Variants in PPP1R2 observed in about 807,000 individuals in gnomAD.
The protein encoded by PPP1R2 is protein phosphatase 1 regulatory inhibitor subunit 2.
In PPP1R2, 16 loss-of-function variants were observed where a neutral mutation model predicts 29.9. The ratio of observed to expected loss-of-function variants is 0.53; its 90% CI spans 0.36 to 0.81. The LOEUF (loss-of-function observed/expected upper bound fraction) is 0.81. Ranked by LOEUF, PPP1R2 falls within the 30% of genes least tolerant of loss-of-function variation. PPP1R2 has a pLI of 0.00. For missense variants in PPP1R2, 197 were observed against 252.7 expected (o/e 0.78, Z 1.49); for synonymous variants, 76 against 91.5 (o/e 0.83, Z 0.96).
At chr3:195,518,421 G>A (rs1718627383) in intron 5 of PPP1R2, among the ~76,000 whole-genome samples, 1 of 152,090 alleles carries the variant, frequency 6.6e-6, no homozygotes, top group African/African-American at 2.4e-5. Flanking sequence ...GGAGGCCGAG[G>A]CGGGCGGATC....
intron 2 of PPP1R2, among the ~76,000 whole-genome samples, chr3:195,528,111 C>T (rs114095394): frequency 0.017 from 2,589 of 152,126 alleles, 65 homozygotes; most frequent in African/African-American, 0.058. Context: ...GCAGTGTACA[C>T]GGCACCCAAT....
chr3:195,518,211 C>T (rs1206205321), intron 5 of PPP1R2, among the ~76,000 whole-genome samples: 2 of 151,822 alleles, frequency 1.3e-5, no homozygotes, highest in Non-Finnish European at 2.9e-5. Context: ...TGCTAGGCTG[C>T]AGGGGCTGGG....
intron 1 of PPP1R2, among the ~76,000 whole-genome samples, chr3:195,538,337 T>C (rs1719468967): frequency 6.6e-6 from 1 of 152,244 alleles, no homozygotes; most frequent in African/African-American, 2.4e-5. Context: ...GAAGCAAGAT[T>C]TTGCTTCAAG....
At chr3:195,523,838 T>C (rs1306406073) in intron 3 of PPP1R2, 52 bp from the exon 4 acceptor site, 2 of 1,440,246 alleles carry the variant, frequency 1.4e-6, no homozygotes, top group Non-Finnish European at 9.7e-7. Context: ...TGATATTATT[T>C]AAGCGCCTTA....
intron 1 of PPP1R2, among the ~76,000 whole-genome samples, chr3:195,533,556 A>C (rs1372719362): frequency 6.6e-6 from 1 of 152,194 alleles, no homozygotes; most frequent in Non-Finnish European, 1.5e-5. Context: ...CAAGAAGCAA[A>C]GTTGTGACAT....
At chr3:195,519,269 C>T in intron 4 of PPP1R2, 84 bp from the exon 5 acceptor site, 1 of 1,005,868 alleles carries the variant, frequency 9.9e-7, no homozygotes, top group Non-Finnish European at 1.5e-6. Flanking sequence ...TTTATTGAAA[C>T]AGTGATGCTC....
chr3:195,541,998 C>T (rs905362079), intron 1 of PPP1R2, among the ~76,000 whole-genome samples: 1 of 152,176 alleles, frequency 6.6e-6, no homozygotes, highest in Non-Finnish European at 1.5e-5. Flanking sequence ...TAGCTTCTGA[C>T]TACCAATTTC....
rs1386998373 is a variant in PPP1R2, at chr3:195,516,724, T to C, written c.*172A>G. ...TAGGCACAAGAATATATATATCGAT[T>C]AGGCATTTTCAGTCTAATCAGTCTC... On this transcript the variant is annotated 3_prime_UTR_variant, in exon 6 of 6. Coordinates refer to ENST00000618156, the MANE Select transcript of PPP1R2 (RefSeq NM_006241.8). The C allele has an allele frequency of 3.4e-6, 2 of 596,606 alleles. No individual in the cohort carries two copies. The highest frequency in any genetic ancestry group is 2.2e-5 in the South Asian group (1 of 46,222). 37.0% of individuals were successfully genotyped at this position (596,606 alleles called of 1,614,324 possible).
At chr3:195,532,590 T>C (rs1719227032) in intron 1 of PPP1R2, among the ~76,000 whole-genome samples, 1 of 152,156 alleles carries the variant, frequency 6.6e-6, no homozygotes, top group Non-Finnish European at 1.5e-5. Context: ...GGTTCAAGTT[T>C]CAGTTACCCT....
Position 195,519,053 on chromosome 3 carries a change from T to C in PPP1R2, c.536A>G (p.Asp179Gly), listed in dbSNP as rs1367900475. 1.2e-6 allele frequency: 2 copies of C among 1,602,782 alleles called. No homozygotes were observed. The highest frequency in any genetic ancestry group is 1.7e-6 in the Non-Finnish European group (2 of 1,170,968). ...TTCTTCCGTATTCATGCTTTCTCCA[T>C]CTGCAGTCTCTAACATTTCTTCATC... ...DEDEEMLETA[D>G]GESMNTEESN... The change falls in exon 5 of 6, where the codon GAT (aspartate) becomes GGT (glycine). Residue 179 changes from aspartate (D) to glycine (G), a missense_variant. Coordinates refer to ENST00000618156, the MANE Select transcript of PPP1R2 (RefSeq NM_006241.8).
intron 3 of PPP1R2, 91 bp downstream of exon 3, chr3:195,524,728 G>T: frequency 8.4e-7 from 1 of 1,195,888 alleles, no homozygotes; most frequent in Non-Finnish European, 1.2e-6. Flanking sequence ...TTTTCTTCCC[G>T]CTCATACAGG....
At position 195,516,194 on chromosome 3, in the gene PPP1R2, A is replaced by T. The variant is rs1718539194; in HGVS notation, c.*702T>A. The T allele has an allele frequency of 6.6e-6, 1 of 152,562 alleles. No homozygotes were observed. The highest frequency in any genetic ancestry group is 1.5e-5 in the Non-Finnish European group (1 of 67,988). The allele number at this position is 152,562 out of a possible 1,614,324, so 9.5% of individuals were successfully genotyped here. A position where few individuals can be genotyped will look rare whatever the true frequency, so the allele number is the denominator to read the frequency against. Reference sequence around the variant, plus strand: ...TCTGCCCAGTGTACCAAAAACATTAAAAAACAAAAACAAACAAAAACCCCC... The same window carrying T: ...TCTGCCCAGTGTACCAAAAACATTATAAAACAAAAACAAACAAAAACCCCC... On this transcript the variant is annotated 3_prime_UTR_variant, in exon 6 of 6. Transcript: ENST00000618156.
chr3:195,527,404 C>T (rs918844216), intron 2 of PPP1R2, among the ~76,000 whole-genome samples: 1 of 151,896 alleles, frequency 6.6e-6, no homozygotes. Context: ...GAGCTGAGAT[C>T]GTGCCACTGC....
intron 1 of PPP1R2, among the ~76,000 whole-genome samples, chr3:195,538,668 A>G (rs1719480627): frequency 6.6e-6 from 1 of 152,216 alleles, no homozygotes; most frequent in Non-Finnish European, 1.5e-5. Context: ...ATTTGCCTGC[A>G]TTATCTAAGA....
At chr3:195,521,103 C>A (rs1007182597) in intron 4 of PPP1R2, among the ~76,000 whole-genome samples, 1 of 151,714 alleles carries the variant, frequency 6.6e-6, no homozygotes, top group Non-Finnish European at 1.5e-5. Context: ...ATCATGAGGT[C>A]AGGAGTTTGA....
At chr3:195,527,945 C>T in intron 2 of PPP1R2, 2 of 321,508 alleles carry the variant, frequency 6.2e-6, no homozygotes, top group South Asian at 2.4e-5. Flanking sequence ...CTCTTTTTAG[C>T]ATGCGTATTT....
chr3:195,534,788 G>C (rs377546827), intron 1 of PPP1R2, among the ~76,000 whole-genome samples: 1 of 152,174 alleles, frequency 6.6e-6, no homozygotes, highest in Admixed American at 6.5e-5. Flanking sequence ...CGAACTCCTG[G>C]GCTTAAGTGA....
At chr3:195,517,487 T>A (rs1718587209) in intron 5 of PPP1R2, among the ~76,000 whole-genome samples, 1 of 152,184 alleles carries the variant, frequency 6.6e-6, no homozygotes, top group African/African-American at 2.4e-5. Context: ...GTGGGTTTTA[T>A]AATGCTAAGC....
In PPP1R2 at chr3:195,525,034, T is replaced by C. The variant is rs981144084; in HGVS notation, c.231-138A>G. 3 of 686,386 alleles carry C rather than the reference T, an allele frequency of 4.4e-6. No homozygotes were observed. The African/African-American group carries it at 5.4e-5, about 12-fold the overall frequency. The allele number at this position is 686,386 out of a possible 1,614,324, so 42.5% of individuals were successfully genotyped here. A position where few individuals can be genotyped will look rare whatever the true frequency, so the allele number is the denominator to read the frequency against. ...TCTGTTGATATCTTTGAGGTTTAAC[T>C]TTATATAGTTCCTATTCAATACAAA... On this transcript the variant is annotated intron_variant, in intron 2 of 5. Coordinates refer to ENST00000618156, the MANE Select transcript of PPP1R2 (RefSeq NM_006241.8).
Sources: allele counts gnomAD v4.1 joint callset (sites outside exome capture counted in the v4.1 genomes callset), GRCh38; gene constraint gnomAD v4.1.1; transcripts MANE v1.5; gene names NCBI Gene and HGNC (gene_info 2026-07-23, HGNC 2026-07-21).